PRKG1: variants seen among roughly 807,000 people sequenced by gnomAD.
PRKG1 encodes protein kinase cGMP-dependent 1, also known as cGMP-dependent protein kinase 1.
A neutral mutation model predicts 88.1 loss-of-function variants in PRKG1; 35 were observed. The observed-to-expected ratio is 0.40, with a 90% CI of 0.30 to 0.53. The LOEUF (loss-of-function observed/expected upper bound fraction) is 0.53. PRKG1 is among the 20% of genes least tolerant of loss of function. The pLI, the probability that PRKG1 is intolerant of heterozygous loss-of-function variation, is 0.59. For missense variants in PRKG1, 540 were observed against 839.8 expected, an observed-to-expected ratio of 0.64 and a Z score of 4.41; for synonymous variants, 303 against 292.5, an observed-to-expected ratio of 1.04 and a Z score of -0.37.
At chr10:51,813,296 A>G (rs1466431702) in intron 4 of PRKG1, among the ~76,000 whole-genome samples, 1 of 151,852 alleles carries the variant, frequency 6.6e-6, no homozygotes, top group African/African-American at 2.4e-5. Context: ...ATGCATTCCA[A>G]TATCAAATGG....
At chr10:51,998,402 A>G (rs578086653) in intron 5 of PRKG1, among the ~76,000 whole-genome samples, 4 of 151,504 alleles carry the variant, frequency 2.6e-5, no homozygotes, top group African/African-American at 9.7e-5. Context: ...AGGCTGAAAC[A>G]CTCTAAATGT....
At chr10:51,970,737 TTATATATATATATCA>T (rs1564733870) in intron 5 of PRKG1, among the ~76,000 whole-genome samples, 23 of 124,440 alleles carry the variant, frequency 1.8e-4, no homozygotes, top group East Asian at 3.9e-4. Context: ...ATATATCAGA[TTATATATATATATCA>T]GATATATCAG....
chr10:51,896,774 C>T (rs1284153941), intron 4 of PRKG1, among the ~76,000 whole-genome samples: 1 of 151,440 alleles, frequency 6.6e-6, no homozygotes, highest in Non-Finnish European at 1.5e-5. Flanking sequence ...TTCTAAAACT[C>T]ATATGCTAAC....
chr10:51,605,974 A>G (rs1838753105), intron 3 of PRKG1, among the ~76,000 whole-genome samples: 1 of 152,206 alleles, frequency 6.6e-6, no homozygotes, highest in Admixed American at 6.5e-5. Flanking sequence ...TAAAGACTAC[A>G]TGGCTAACGC....
At chr10:51,907,025 A>G (rs1842100976) in intron 4 of PRKG1, among the ~76,000 whole-genome samples, 1 of 152,138 alleles carries the variant, frequency 6.6e-6, no homozygotes, top group Non-Finnish European at 1.5e-5. Context: ...TTTGAATGTT[A>G]ATTCTAGTAA....
intron 1 of PRKG1, among the ~76,000 whole-genome samples, chr10:51,101,932 C>G (rs1650037391): frequency 6.6e-6 from 1 of 152,216 alleles, no homozygotes; most frequent in Admixed American, 6.5e-5. Context: ...CAGATCCCCT[C>G]CCTGGCTTTG....
At chr10:52,201,643 A>C (rs1839671403) in intron 9 of PRKG1, among the ~76,000 whole-genome samples, 1 of 152,182 alleles carries the variant, frequency 6.6e-6, no homozygotes, top group Non-Finnish European at 1.5e-5. Context: ...TGCTTTAGGC[A>C]GTATGGCCAT....
At chr10:52,071,715 AT>A (rs2133286806) in intron 7 of PRKG1, among the ~76,000 whole-genome samples, 1 of 151,768 alleles carries the variant, frequency 6.6e-6, no homozygotes, top group Admixed American at 6.6e-5. Context: ...CCACATACCC[AT>A]TTTCAGTGGA....
chr10:51,455,263 C>A (rs1839552129), intron 2 of PRKG1, among the ~76,000 whole-genome samples: 1 of 152,246 alleles, frequency 6.6e-6, no homozygotes, highest in Non-Finnish European at 1.5e-5. Flanking sequence ...TTGGGCCTAG[C>A]CCATGAAACC....
intron 9 of PRKG1, among the ~76,000 whole-genome samples, chr10:52,169,528 T>A (rs930074596): frequency 7.9e-5 from 12 of 152,296 alleles, no homozygotes; most frequent in African/African-American, 2.4e-4. Context: ...GGATTAGGTT[T>A]CCACACATGA....
intron 5 of PRKG1, among the ~76,000 whole-genome samples, chr10:51,943,979 A>T (rs913738074): frequency 2.6e-5 from 4 of 152,058 alleles, no homozygotes; most frequent in Non-Finnish European, 5.9e-5. Flanking sequence ...CAAATGAGTT[A>T]GGGAGGATTC....
chr10:51,169,041 A>G (rs1846626364), intron 2 of PRKG1, among the ~76,000 whole-genome samples: 1 of 152,158 alleles, frequency 6.6e-6, no homozygotes, highest in Non-Finnish European at 1.5e-5. Flanking sequence ...ATTTTTTTGT[A>G]GTTAGACTTA....
chr10:51,133,177 G>A (rs934006339), intron 1 of PRKG1, among the ~76,000 whole-genome samples: 3 of 152,102 alleles, frequency 2.0e-5, no homozygotes, highest in Admixed American at 6.6e-5. Flanking sequence ...TATCTGAAAG[G>A]GAATCTGCAT....
intron 8 of PRKG1, among the ~76,000 whole-genome samples, chr10:52,154,477 A>C (rs73344928): frequency 0.027 from 4,132 of 152,272 alleles, 168 homozygotes; most frequent in African/African-American, 0.095. Context: ...CTCTACAAAA[A>C]GATTGTGAAT....
intron 7 of PRKG1, among the ~76,000 whole-genome samples, chr10:52,084,122 A>G (rs1904023): frequency 0.33 from 50,756 of 151,840 alleles, 9,353 homozygotes; most frequent in Non-Finnish European, 0.42. Context: ...AAGATAGCCC[A>G]ACTTTACAAG....
At chr10:52,024,006 G>T (rs1845259769) in intron 5 of PRKG1, among the ~76,000 whole-genome samples, 1 of 152,094 alleles carries the variant, frequency 6.6e-6, no homozygotes, top group South Asian at 2.1e-4. Flanking sequence ...GTCCTGAATG[G>T]TATTGCCTAG....
At chr10:52,205,125 G>A (rs767771457) in intron 9 of PRKG1, among the ~76,000 whole-genome samples, 2 of 152,108 alleles carry the variant, frequency 1.3e-5, no homozygotes. Context: ...CCAGCCTGGT[G>A]AATTCTAGTC....
chr10:51,297,368 TA>T (rs1432110157), intron 2 of PRKG1, among the ~76,000 whole-genome samples: 4 of 152,148 alleles, frequency 2.6e-5, no homozygotes, highest in Non-Finnish European at 4.4e-5. Context: ...TGGAATATAA[TA>T]AAAATGCTGC....
chr10:51,598,989 C>G (rs529818887), intron 3 of PRKG1, among the ~76,000 whole-genome samples: 1 of 152,220 alleles, frequency 6.6e-6, no homozygotes, highest in South Asian at 2.1e-4. Context: ...ACAAACAACA[C>G]CATGTGCCAG....
Sources: allele counts gnomAD v4.1 joint callset (sites outside exome capture counted in the v4.1 genomes callset), GRCh38; gene constraint gnomAD v4.1.1; transcripts MANE v1.5; gene names NCBI Gene and HGNC (gene_info 2026-07-23, HGNC 2026-07-21).